LRRC4C: variants seen among roughly 807,000 people sequenced by gnomAD.
The protein encoded by LRRC4C is leucine rich repeat containing 4C, also known as leucine-rich repeat-containing protein 4C.
Under a neutral mutation model 33.6 loss-of-function variants are expected in LRRC4C, and 5 were observed. The ratio of observed to expected loss-of-function variants is 0.15; its 90% CI spans 0.08 to 0.31. LRRC4C has a LOEUF of 0.31. Ranked by LOEUF, LRRC4C falls within the 10% of genes least tolerant of loss-of-function variation. LRRC4C has a pLI of 1.00. For missense variants in LRRC4C, 560 were observed against 796.7 expected (o/e 0.70, Z 3.58); for synonymous variants, 329 against 302.0 (o/e 1.09, Z -0.93).
At chr11:40,584,585 G>A (rs1219484232) in intron 3 of LRRC4C, among the ~76,000 whole-genome samples, 3 of 152,020 alleles carry the variant, frequency 2.0e-5, no homozygotes, top group Non-Finnish European at 2.9e-5. Context: ...GAAATAAACT[G>A]GCACACAGTA....
Position 40,779,353 on chromosome 11 carries a change from C to T in LRRC4C, c.-406-131075G>A, listed in dbSNP as rs570559232. ...GGAGGCATACATCCCAGAATGTTAA[C>T]CTAATGCCTATCTTGGCATGGGGAG... On this transcript the variant is annotated intron_variant, in intron 2 of 6. Transcript: ENST00000528697. Among the ~76,000 whole-genome samples, 3 of 152,232 alleles carry T rather than the reference C, an allele frequency of 2.0e-5. No individual in the cohort carries two copies. In the South Asian group the frequency reaches 6.2e-4, roughly 32 times the overall value.
chr11:40,334,154 T>C (rs1946491973), intron 3 of LRRC4C, among the ~76,000 whole-genome samples: 1 of 152,156 alleles, frequency 6.6e-6, no homozygotes, highest in Admixed American at 6.6e-5. Flanking sequence ...AGGATGCCAC[T>C]GGGGATCCTC....
At chr11:40,943,332 G>C (rs748051792) in intron 1 of LRRC4C, among the ~76,000 whole-genome samples, 2 of 152,114 alleles carry the variant, frequency 1.3e-5, no homozygotes, top group African/African-American at 4.8e-5. Context: ...ATGATCACAC[G>C]AATGATTGTA....
intron 3 of LRRC4C, among the ~76,000 whole-genome samples, chr11:40,582,168 T>C (rs1219953116): frequency 1.3e-5 from 2 of 152,114 alleles, no homozygotes; most frequent in Non-Finnish European, 2.9e-5. Context: ...TTACTACCAA[T>C]CCATAGATAC....
intron 2 of LRRC4C, among the ~76,000 whole-genome samples, chr11:40,847,331 G>A (rs1297922458): frequency 6.6e-6 from 1 of 152,092 alleles, no homozygotes; most frequent in Non-Finnish European, 1.5e-5. Context: ...TCAATACCTA[G>A]TTTATTGAAT....
chr11:41,089,007 A>G (rs1211498101), intron 1 of LRRC4C, among the ~76,000 whole-genome samples: 1 of 152,104 alleles, frequency 6.6e-6, no homozygotes, highest in African/African-American at 2.4e-5. Context: ...TAACCCACAC[A>G]TACGTCTTTG....
chr11:41,183,242 C>G (rs542795124), intron 1 of LRRC4C, among the ~76,000 whole-genome samples: 1 of 152,092 alleles, frequency 6.6e-6, no homozygotes, highest in East Asian at 1.9e-4. Flanking sequence ...AGTTCCCCAA[C>G]GTCTTAACAC....
chr11:41,066,803 C>T (rs527900392), intron 1 of LRRC4C, among the ~76,000 whole-genome samples: 2 of 152,254 alleles, frequency 1.3e-5, no homozygotes, highest in South Asian at 4.2e-4. Context: ...AATTTCATAT[C>T]CAGCCAAACT....
At chr11:40,749,800 G>C (rs1231228955) in intron 2 of LRRC4C, among the ~76,000 whole-genome samples, 2 of 151,966 alleles carry the variant, frequency 1.3e-5, no homozygotes, top group African/African-American at 4.8e-5. Flanking sequence ...ATGTCAAGGA[G>C]ACATCAAAAC....
In LRRC4C at chr11:41,200,514, CT is replaced by C. The variant is rs1054864660; in HGVS notation, c.-496+258916del. Among the ~76,000 whole-genome samples, 41 of 151,122 alleles carry C rather than the reference CT, an allele frequency of 2.7e-4. No individual in the cohort carries two copies. In the South Asian group the frequency reaches 4.6e-3, roughly 17 times the overall value. On this transcript the variant is annotated intron_variant, in intron 1 of 6. Transcript: ENST00000528697. ...GAAAATAGGAAGTTTCTTTGGCATC[CT>C]TTTTTTTTAAATTTTAATTTTTTCA...
chr11:41,084,284 T>C (rs1476807241), intron 1 of LRRC4C, among the ~76,000 whole-genome samples: 4 of 152,144 alleles, frequency 2.6e-5, no homozygotes, highest in African/African-American at 4.8e-5. Context: ...TTGGCTAGCA[T>C]TTGTACTAGC....
Position 40,824,021 on chromosome 11 carries a change from T to C in LRRC4C, c.-407+109614A>G, listed in dbSNP as rs191178354. Among the ~76,000 whole-genome samples, 867 of 151,992 alleles carry C rather than the reference T, an allele frequency of 5.7e-3. 9 individuals are homozygous for C. The highest frequency in any genetic ancestry group is 9.7e-3 in the Non-Finnish European group (656 of 67,876). ...TGGACGGAACTCAAAAATATTATAT[T>C]AAGTGAAAGAAACCAGATGCAAAAG... On this transcript the variant is annotated intron_variant, in intron 2 of 6. Coordinates refer to ENST00000528697, the MANE Select transcript of LRRC4C (RefSeq NM_001258419.2).
intron 1 of LRRC4C, among the ~76,000 whole-genome samples, chr11:41,042,436 C>G (rs1180198992): frequency 1.3e-5 from 2 of 152,142 alleles, no homozygotes; most frequent in African/African-American, 4.8e-5. Context: ...TGTTAAGTTG[C>G]TTAACTTAAA....
intron 3 of LRRC4C, among the ~76,000 whole-genome samples, chr11:40,321,648 A>G (rs1450301366): frequency 1.3e-5 from 2 of 152,216 alleles, no homozygotes; most frequent in Non-Finnish European, 2.9e-5. Flanking sequence ...TCCTGGCACT[A>G]CAAAGCTTGA....
chr11:41,009,639 A>G (rs902111744), intron 1 of LRRC4C, among the ~76,000 whole-genome samples: 7 of 152,116 alleles, frequency 4.6e-5, no homozygotes, highest in Non-Finnish European at 8.8e-5. Context: ...TAGTTTAGCT[A>G]TCATAAAACA....
intron 5 of LRRC4C, among the ~76,000 whole-genome samples, chr11:40,166,170 T>G (rs1324620666): frequency 6.6e-6 from 1 of 152,168 alleles, no homozygotes. Flanking sequence ...TATGTAGTCC[T>G]AACAGACTAA....
chr11:40,737,971 T>C (rs769466077), intron 2 of LRRC4C, among the ~76,000 whole-genome samples: 3 of 152,102 alleles, frequency 2.0e-5, no homozygotes, highest in Non-Finnish European at 4.4e-5. Context: ...CTTCAAACTA[T>C]ATTGCAAGGC....
At chr11:41,060,661 G>C (rs550510045) in intron 1 of LRRC4C, among the ~76,000 whole-genome samples, 2 of 152,026 alleles carry the variant, frequency 1.3e-5, no homozygotes, top group Non-Finnish European at 2.9e-5. Context: ...GCCATACTGG[G>C]GCTAGGGCTT....
At chr11:40,401,979 C>T (rs1285514475) in intron 3 of LRRC4C, among the ~76,000 whole-genome samples, 3 of 151,620 alleles carry the variant, frequency 2.0e-5, no homozygotes, top group Non-Finnish European at 2.9e-5. Flanking sequence ...AAGAAAGGAG[C>T]CTGAAAAAAA....
Sources: gnomAD v4.1 joint callset for allele counts (sites outside exome capture counted in the v4.1 genomes callset) on GRCh38, gnomAD v4.1.1 for gene constraint, MANE v1.5 for transcripts, NCBI Gene and HGNC (gene_info 2026-07-23, HGNC 2026-07-21) for gene names.